SMURF2: variants seen among roughly 807,000 people sequenced by gnomAD.
The protein encoded by SMURF2 is E3 ubiquitin-protein ligase SMURF2.
In SMURF2, 48 loss-of-function variants were observed where a neutral mutation model predicts 109.6. The ratio of observed to expected loss-of-function variants is 0.44; its 90% confidence interval spans 0.35 to 0.56. The LOEUF (loss-of-function observed/expected upper bound fraction) is 0.56. SMURF2 is among the 20% of genes least tolerant of loss of function. SMURF2 has a pLI of 0.01. For synonymous variants in SMURF2, 288 were observed against 317.1 expected (o/e 0.91, Z 0.97); for missense variants, 575 against 909.0 (o/e 0.63, Z 4.72).
chr17:64,646,731 A>G (rs1970564726), intron 1 of SMURF2, among the ~76,000 whole-genome samples: 1 of 152,164 alleles, frequency 6.6e-6, no homozygotes, highest in Admixed American at 6.5e-5. Context: ...AAGTCCTTCA[A>G]TTTTGTTGAA....
At chr17:64,645,041 T>C (rs1459140699) in intron 1 of SMURF2, among the ~76,000 whole-genome samples, 2 of 151,110 alleles carry the variant, frequency 1.3e-5, no homozygotes, top group African/African-American at 4.9e-5. Flanking sequence ...CTGAGTAGAT[T>C]CGACAGGAAG....
chr17:64,628,666 TAACAC>T, intron 1 of SMURF2, among the ~76,000 whole-genome samples: 1 of 152,288 alleles, frequency 6.6e-6, no homozygotes, highest in African/African-American at 2.4e-5. Context: ...TCTTAAACTC[TAACAC>T]TAAGACAACC....
chr17:64,588,045 G>GAA (rs74410480), intron 5 of SMURF2, among the ~76,000 whole-genome samples: 2 of 46,496 alleles, frequency 4.3e-5, no homozygotes, highest in Non-Finnish European at 9.3e-5. Context: ...TGCAAAGTAG[G>GAA]AAAAAAAAAA....
intron 10 of SMURF2, among the ~76,000 whole-genome samples, chr17:64,567,105 G>C (rs782223496): frequency 1.3e-5 from 2 of 150,968 alleles, no homozygotes; most frequent in African/African-American, 4.9e-5. Flanking sequence ...TGATCTACCC[G>C]CCTCGGCCTC....
chr17:64,596,482 A>T (rs1969818655), intron 3 of SMURF2, among the ~76,000 whole-genome samples: 1 of 151,724 alleles, frequency 6.6e-6, no homozygotes, highest in Non-Finnish European at 1.5e-5. Flanking sequence ...AAAGATAAGA[A>T]GTCAAAGTAT....
intron 1 of SMURF2, among the ~76,000 whole-genome samples, chr17:64,613,673 AGTGTGTGTGTGTGTGTGTGT>A (rs61060865): frequency 5.4e-3 from 113 of 20,794 alleles, no homozygotes; most frequent in African/African-American, 9.0e-3. Context: ...TCCACGGACC[AGTGTGTGTGTGTGTGTGTGT>A]GTGTGTGTGT....
Position 64,613,673 on chromosome 17 carries a change from A to AGTGTGTGTGTGT in SMURF2, c.53-7045_53-7034dup, listed in dbSNP as rs61060865. On this transcript the variant is annotated intron_variant, in intron 1 of 18. Coordinates refer to ENST00000262435, the MANE Select transcript of SMURF2 (RefSeq NM_022739.4). ...ATGGAAGACAAGTTTTCCACGGACC[A>AGTGTGTGTGTGT]GTGTGTGTGTGTGTGTGTGTGTGTG... 2.8e-3 allele frequency among the ~76,000 whole-genome samples: 58 copies of AGTGTGTGTGTGT among 20,792 alleles called. 8 individuals carry two copies. Among genetic ancestry groups the AGTGTGTGTGTGT allele is most frequent in the Admixed American group, 3.2e-3 (4 of 1,256 alleles). 13.6% of individuals were successfully genotyped at this position (20,792 alleles called of 152,430 possible).
intron 10 of SMURF2, among the ~76,000 whole-genome samples, chr17:64,567,522 T>C (rs1471511640): frequency 6.6e-6 from 1 of 152,234 alleles, no homozygotes; most frequent in Non-Finnish European, 1.5e-5. Context: ...GTAACTGTTC[T>C]ACTGAAATAT....
intron 1 of SMURF2, among the ~76,000 whole-genome samples, chr17:64,622,879 T>C (rs1283837104): frequency 1.3e-5 from 2 of 152,228 alleles, no homozygotes; most frequent in African/African-American, 4.8e-5. Context: ...ATAAATTGTT[T>C]GGAATTATTC....
intron 1 of SMURF2, among the ~76,000 whole-genome samples, chr17:64,607,738 A>G (rs1457353915): frequency 2.6e-5 from 4 of 151,950 alleles, no homozygotes; most frequent in African/African-American, 9.7e-5. Context: ...TGGGAGGCCA[A>G]GGTGGCTGGA....
rs547170656 is a variant in SMURF2 at position 64,653,765 on chromosome 17, C to T, written c.52+8064G>A. On this transcript the variant is annotated intron_variant, in intron 1 of 18. Transcript: ENST00000262435. ...ACAATCCCACTCATTTACCCAAGGG[C>T]AAGAAAAACATGTTCACAAAGAGCC... 1.4e-4 allele frequency among the ~76,000 whole-genome samples: 22 copies of T among 152,184 alleles called. No individual in the cohort carries two copies. The South Asian group carries it at 4.6e-3, about 32-fold the overall frequency.
chr17:64,642,605 GGACA>G (rs1170900236), intron 1 of SMURF2, among the ~76,000 whole-genome samples: 2 of 152,044 alleles, frequency 1.3e-5, no homozygotes, highest in Non-Finnish European at 2.9e-5. Context: ...CCACTAAGAA[GGACA>G]GACAGATCTT....
intron 3 of SMURF2, among the ~76,000 whole-genome samples, chr17:64,596,585 CAAAAAAAAAA>C (rs201858792): frequency 9.2e-4 from 42 of 45,472 alleles, no homozygotes; most frequent in South Asian, 3.2e-3. Flanking sequence ...GGAGAGTAAA[CAAAAAAAAAA>C]AAAAAAAAAA....
In SMURF2 at chr17:64,616,396, A is replaced by G. The variant is rs568557579; in HGVS notation, c.53-9756T>C. Among the ~76,000 whole-genome samples, 110 of 152,004 alleles carry G rather than the reference A, an allele frequency of 7.2e-4. No homozygotes were observed. In the South Asian group the frequency reaches 0.021, roughly 29 times the overall value. ...GCTGGGCACGGTGGCTCTGCCTGCA[A>G]TCCCAGCACTTTGGGAGGCTGAGGT... On this transcript the variant is annotated intron_variant, in intron 1 of 18. Coordinates refer to ENST00000262435, the MANE Select transcript of SMURF2 (RefSeq NM_022739.4).
At chr17:64,623,837 T>G (rs1461684408) in intron 1 of SMURF2, among the ~76,000 whole-genome samples, 1 of 152,244 alleles carries the variant, frequency 6.6e-6, no homozygotes. Context: ...CTAGTTAGTA[T>G]GTATGTAAAA....
chr17:64,553,545 C>A (rs954662031), intron 15 of SMURF2, among the ~76,000 whole-genome samples: 4 of 151,782 alleles, frequency 2.6e-5, no homozygotes, highest in African/African-American at 4.8e-5. Flanking sequence ...AAAAAAAAAA[C>A]CATGGATTTT....
chr17:64,546,512 A>T (rs1968956437), intron 17 of SMURF2, among the ~76,000 whole-genome samples, 174 bp from the exon 18 acceptor site: 1 of 152,248 alleles, frequency 6.6e-6, no homozygotes, highest in South Asian at 2.1e-4. Context: ...AAGAGCCAGA[A>T]TTAACCTTGG....
At chr17:64,623,460 T>C (rs1970230413) in intron 1 of SMURF2, among the ~76,000 whole-genome samples, 1 of 152,236 alleles carries the variant, frequency 6.6e-6, no homozygotes, top group African/African-American at 2.4e-5. Context: ...AGATTTCTCA[T>C]GTTTAGACTC....
chr17:64,651,502 G>A lies in SMURF2; in HGVS notation c.52+10327C>T, dbSNP rs144763435. On this transcript the variant is annotated intron_variant, in intron 1 of 18. Coordinates refer to ENST00000262435, the MANE Select transcript of SMURF2 (RefSeq NM_022739.4). ...CAGAAGAACTGCTTGAACCCAGGAGGTGGAGGTTGCAGTGAGCCAAGATCG... is the reference window on the plus strand; with the variant it reads ...CAGAAGAACTGCTTGAACCCAGGAGATGGAGGTTGCAGTGAGCCAAGATCG... Among the ~76,000 whole-genome samples the A allele has an allele frequency of 8.2e-3, 1,237 of 151,494 alleles. 7 individuals carry two copies. The highest frequency in any genetic ancestry group is 0.028 in the Middle Eastern group (8 of 290).
Sources: allele counts gnomAD v4.1 joint callset (sites outside exome capture counted in the v4.1 genomes callset), GRCh38; gene constraint gnomAD v4.1.1; transcripts MANE v1.5; gene names NCBI Gene and HGNC (gene_info 2026-07-23, HGNC 2026-07-21).